Variants in PACRG observed in about 807,000 individuals in gnomAD.
PACRG encodes parkin coregulated, also known as parkin coregulated gene protein.
Under a neutral mutation model 29.7 loss-of-function variants are expected in PACRG, and 29 were observed. That is an observed-to-expected ratio of 0.98 (90% confidence interval 0.73 to 1.33). PACRG has a LOEUF of 1.33. Ranked by LOEUF, PACRG falls within the 40% of genes most tolerant of loss-of-function variation. The probability of loss-of-function intolerance (pLI) is 0.00; values close to 1 mark genes in which losing one functional copy is unlikely to be tolerated. For synonymous variants in PACRG, 116 were observed against 118.7 expected (o/e 0.98, Z 0.15); for missense variants, 279 against 316.2 (o/e 0.88, Z 0.89).
intron 4 of PACRG, among the ~76,000 whole-genome samples, chr6:163,193,635 C>A (rs557068251): frequency 5.1e-4 from 78 of 152,042 alleles, no homozygotes; most frequent in Non-Finnish European, 8.7e-4. Context: ...TTCTTTCTTT[C>A]TTTATTTTTA....
intron 2 of PACRG, among the ~76,000 whole-genome samples, chr6:163,041,784 G>A (rs1404602166): frequency 6.6e-6 from 1 of 152,224 alleles, no homozygotes; most frequent in African/African-American, 2.4e-5. Flanking sequence ...GCTTGATTAA[G>A]ACTCATAGGA....
rs944950249 is a variant in PACRG, at chr6:162,909,588, C to T, written c.291+95307C>T. 8.0e-4 allele frequency among the ~76,000 whole-genome samples: 105 copies of T among 130,492 alleles called. 1 individual carries two copies. Among genetic ancestry groups the T allele is most frequent in the Non-Finnish European group, 7.9e-4 (48 of 60,908 alleles). The allele number at this position is 130,492 out of a possible 152,430, so 85.6% of individuals were successfully genotyped here. Reference sequence around the variant, plus strand: ...AAAAAAAAAAAAAATCATCCTTAAGCATTTCTTTCTTGAAATTTCCTTGTC... The same window carrying T: ...AAAAAAAAAAAAAATCATCCTTAAGTATTTCTTTCTTGAAATTTCCTTGTC... On this transcript the variant is annotated intron_variant, in intron 2 of 4. Transcript: ENST00000366888.
intron 4 of PACRG, among the ~76,000 whole-genome samples, chr6:163,150,409 G>A (rs1451781397): frequency 6.6e-6 from 1 of 152,108 alleles, no homozygotes; most frequent in East Asian, 1.9e-4. Context: ...CTGTCCCTCT[G>A]GGACCTTACC....
intron 2 of PACRG, among the ~76,000 whole-genome samples, chr6:162,908,888 A>G (rs1262839786): frequency 1.3e-5 from 2 of 152,124 alleles, no homozygotes; most frequent in Admixed American, 6.6e-5. Context: ...GGGTGGGCAT[A>G]TCAAATTATT....
At chr6:163,225,658 C>G (rs570373534) in intron 4 of PACRG, among the ~76,000 whole-genome samples, 3 of 152,218 alleles carry the variant, frequency 2.0e-5, no homozygotes, top group South Asian at 4.2e-4. Flanking sequence ...GGAGGTTCCT[C>G]AAAACGTTAA....
At chr6:163,204,455 CAG>C (rs559671060) in intron 4 of PACRG, among the ~76,000 whole-genome samples, 39 of 152,302 alleles carry the variant, frequency 2.6e-4, no homozygotes, top group African/African-American at 8.9e-4. Flanking sequence ...GAAACACTGA[CAG>C]AGATGAAACA....
intron 2 of PACRG, among the ~76,000 whole-genome samples, chr6:163,050,857 C>A (rs1809927933): frequency 6.6e-6 from 1 of 152,152 alleles, no homozygotes; most frequent in African/African-American, 2.4e-5. Flanking sequence ...TGAAAAGTGT[C>A]TAGATCTGCA....
In PACRG at chr6:162,739,561, C is replaced by T. The variant is rs371676277; in HGVS notation, c.156+11170C>T. Among the ~76,000 whole-genome samples, 103 of 151,980 alleles carry T rather than the reference C, an allele frequency of 6.8e-4. No homozygotes were observed. In the East Asian group the frequency reaches 9.9e-3, roughly 15 times the overall value. ...TTTGGTGTTTTTAAAAAATTTTTGT[C>T]GGCCAGGCGTGGTTGCTCACGCCTG... On this transcript the variant is annotated intron_variant, in intron 1 of 4. Transcript: ENST00000366888.
intron 2 of PACRG, among the ~76,000 whole-genome samples, chr6:162,968,865 G>T (rs920097533): frequency 1.3e-5 from 2 of 151,840 alleles, no homozygotes; most frequent in African/African-American, 4.8e-5. Flanking sequence ...TGGCCAACAT[G>T]GCGAAACCCC....
intron 1 of PACRG, among the ~76,000 whole-genome samples, chr6:162,792,504 C>G (rs1475486489): frequency 6.6e-6 from 1 of 152,088 alleles, no homozygotes; most frequent in Non-Finnish European, 1.5e-5. Flanking sequence ...GGATGCAGGT[C>G]AAGACCGTGA....
intron 2 of PACRG, among the ~76,000 whole-genome samples, chr6:162,930,483 G>T (rs1167803229): frequency 6.6e-6 from 1 of 151,746 alleles, no homozygotes; most frequent in Admixed American, 6.6e-5. Flanking sequence ...AGTTCTAATG[G>T]TTTTTTTGCA....
At chr6:163,190,691 AC>A in intron 4 of PACRG, 1 of 197,444 alleles carries the variant, frequency 5.1e-6, no homozygotes, top group South Asian at 8.7e-5. Flanking sequence ...TCAGTTCAGA[AC>A]CCTAGTAAAA....
chr6:162,727,335 G>GCGC, upstream of PACRG: 6 of 400,348 alleles, frequency 1.5e-5, no homozygotes, highest in Non-Finnish European at 1.8e-5. Context: ...CGGCGGCGGG[G>GCGC]AGAAGGCTTC....
At chr6:163,198,359 C>G in intron 4 of PACRG, among the ~76,000 whole-genome samples, 1 of 152,108 alleles carries the variant, frequency 6.6e-6, no homozygotes, top group East Asian at 1.9e-4. Context: ...CATCAAATAC[C>G]TAGATTGTGA....
At chr6:163,205,034 A>G (rs1780847380) in intron 4 of PACRG, among the ~76,000 whole-genome samples, 1 of 152,228 alleles carries the variant, frequency 6.6e-6, no homozygotes, top group African/African-American at 2.4e-5. Context: ...CTCTGCAGTG[A>G]GAATTGCAAA....
intron 3 of PACRG, among the ~76,000 whole-genome samples, chr6:163,078,116 G>C (rs73786951): frequency 0.034 from 5,116 of 152,296 alleles, 270 homozygotes; most frequent in African/African-American, 0.11. Flanking sequence ...AAGCTCTGAA[G>C]TCAGACTACC....
intron 2 of PACRG, among the ~76,000 whole-genome samples, chr6:162,872,235 GC>G (rs1463534962): frequency 0.16 from 262 of 1,600 alleles, 1 homozygote; most frequent in Non-Finnish European, 0.22. Context: ...AGAGCTCAGT[GC>G]TCAGTGTCAT....
chr6:162,733,275 A>G (rs1002349011), intron 1 of PACRG, among the ~76,000 whole-genome samples: 6 of 152,136 alleles, frequency 3.9e-5, no homozygotes, highest in Non-Finnish European at 7.4e-5. Context: ...ATTGTGTTCT[A>G]CTTTGTATTA....
intron 4 of PACRG, among the ~76,000 whole-genome samples, chr6:163,107,741 A>C (rs993719632): frequency 3.3e-5 from 5 of 152,168 alleles, no homozygotes; most frequent in African/African-American, 1.2e-4. Flanking sequence ...GGTACAAGGC[A>C]GACCTTTTCT....
Sources: gnomAD v4.1 joint callset for allele counts (sites outside exome capture counted in the v4.1 genomes callset) on GRCh38, gnomAD v4.1.1 for gene constraint, MANE v1.5 for transcripts, NCBI Gene and HGNC (gene_info 2026-07-23, HGNC 2026-07-21) for gene names.